Variants in STPG2 observed in about 807,000 individuals in gnomAD.
STPG2 encodes the protein sperm tail PG-rich repeat containing 2, also known as sperm-tail PG-rich repeat-containing protein 2.
Under a neutral mutation model 54.2 loss-of-function variants are expected in STPG2, and 56 were observed. The observed-to-expected ratio is 1.03, with a 90% CI of 0.83 to 1.29. The LOEUF is 1.29. Ranked by LOEUF, STPG2 falls within the 50% of genes most tolerant of loss-of-function variation. STPG2 has a pLI of 0.00. For synonymous variants in STPG2, 200 were observed against 181.8 expected, an observed-to-expected ratio of 1.10 and a Z score of -0.81; for missense variants, 596 against 544.9, an observed-to-expected ratio of 1.09 and a Z score of -0.93.
At chr4:97,728,142 G>T (rs1724680108) in intron 9 of STPG2, among the ~76,000 whole-genome samples, 1 of 151,822 alleles carries the variant, frequency 6.6e-6, no homozygotes, top group Admixed American at 6.6e-5. Flanking sequence ...ATAGGGAATG[G>T]TATTGTCTAT....
chr4:97,567,646 T>C (rs1397097591), intron 10 of STPG2, among the ~76,000 whole-genome samples: 1 of 151,878 alleles, frequency 6.6e-6, no homozygotes, highest in Admixed American at 6.6e-5. Context: ...CACATTGAAG[T>C]TCCATGTGGC....
At chr4:97,958,079 G>C (rs932349431) in intron 7 of STPG2, among the ~76,000 whole-genome samples, 2 of 152,062 alleles carry the variant, frequency 1.3e-5, no homozygotes, top group Non-Finnish European at 1.5e-5. Flanking sequence ...GAGGCAGAGG[G>C]GGGACAGATC....
intron 8 of STPG2, among the ~76,000 whole-genome samples, chr4:97,907,537 C>A (rs1420797663): frequency 1.3e-5 from 2 of 151,752 alleles, no homozygotes; most frequent in Non-Finnish European, 2.9e-5. Context: ...CATATGGAAC[C>A]AAAAAAGAGC....
At chr4:98,101,524 G>C (rs10013302) in intron 5 of STPG2, among the ~76,000 whole-genome samples, 9,070 of 152,114 alleles carry the variant, frequency 0.06, 299 homozygotes, top group Middle Eastern at 0.088. Context: ...AAAAAAAAGA[G>C]CTTGAGCCTC....
intron 4 of STPG2, among the ~76,000 whole-genome samples, chr4:97,446,673 CTGATGGTT>C (rs1284355224): frequency 6.6e-6 from 1 of 152,154 alleles, no homozygotes; most frequent in Non-Finnish European, 1.5e-5. Context: ...CTCATGAGAT[CTGATGGTT>C]TTATAAGTGT....
chr4:97,461,953 C>T (rs1488943277), intron 4 of STPG2, among the ~76,000 whole-genome samples: 1 of 151,894 alleles, frequency 6.6e-6, no homozygotes, highest in East Asian at 1.9e-4. Flanking sequence ...TATTGAATGT[C>T]ATTCAATATA....
intron 5 of STPG2, among the ~76,000 whole-genome samples, chr4:98,046,740 G>A (rs1261649110): frequency 4.6e-5 from 7 of 152,030 alleles, no homozygotes; most frequent in Non-Finnish European, 8.8e-5. Flanking sequence ...ATGGAGAGAG[G>A]ATCAGTGGCA....
intron 8 of STPG2, among the ~76,000 whole-genome samples, chr4:97,899,822 A>C (rs1306424902): frequency 6.6e-6 from 1 of 152,170 alleles, no homozygotes; most frequent in East Asian, 1.9e-4. Context: ...AAATCAGCTT[A>C]AGATGGATTA....
At chr4:98,046,984 C>T (rs1196685634) in intron 5 of STPG2, among the ~76,000 whole-genome samples, 4 of 152,030 alleles carry the variant, frequency 2.6e-5, no homozygotes, top group Admixed American at 6.6e-5. Context: ...ATTAAAGGCC[C>T]GACCCACAGG....
intron 8 of STPG2, among the ~76,000 whole-genome samples, chr4:97,931,701 T>TTG (rs973300636): frequency 5.9e-5 from 9 of 151,586 alleles, no homozygotes; most frequent in South Asian, 2.1e-4. Flanking sequence ...TTTTATCTTT[T>TTG]TGTGTGTGTG....
intron 4 of STPG2, among the ~76,000 whole-genome samples, chr4:97,502,163 A>C (rs1730739444): frequency 1.3e-5 from 2 of 152,052 alleles, no homozygotes; most frequent in South Asian, 4.1e-4. Context: ...AATATAATAA[A>C]GTAATATTTC....
intron 8 of STPG2, among the ~76,000 whole-genome samples, chr4:97,886,115 C>A (rs1171193519): frequency 6.6e-6 from 1 of 152,022 alleles, no homozygotes; most frequent in Non-Finnish European, 1.5e-5. Flanking sequence ...TCAACAAAAT[C>A]TTCTTGAGGA....
intron 4 of STPG2, among the ~76,000 whole-genome samples, chr4:97,527,484 A>G (rs908345323): frequency 2.0e-5 from 3 of 152,170 alleles, no homozygotes; most frequent in Non-Finnish European, 4.4e-5. Context: ...TCTTCATAGT[A>G]GAATGATATA....
chr4:97,459,884 G>A (rs1578316446), intron 4 of STPG2, among the ~76,000 whole-genome samples: 1 of 152,204 alleles, frequency 6.6e-6, no homozygotes, highest in East Asian at 1.9e-4. Flanking sequence ...CTATCCACAT[G>A]TACTACAGAG....
intron 4 of STPG2, among the ~76,000 whole-genome samples, chr4:97,513,670 A>G (rs1731018403): frequency 6.6e-6 from 1 of 152,130 alleles, no homozygotes; most frequent in African/African-American, 2.4e-5. Flanking sequence ...AAGCCTTTTA[A>G]TATTTCAAAA....
intron 4 of STPG2, among the ~76,000 whole-genome samples, chr4:97,451,482 G>A (rs1729362278): frequency 6.6e-6 from 1 of 151,988 alleles, no homozygotes; most frequent in Non-Finnish European, 1.5e-5. Flanking sequence ...TTCAAAAATA[G>A]GAAATAGAGA....
chr4:97,584,138 C>G (rs1256914688), intron 10 of STPG2, among the ~76,000 whole-genome samples: 1 of 151,932 alleles, frequency 6.6e-6, no homozygotes, highest in African/African-American at 2.4e-5. Flanking sequence ...GACCACAAAA[C>G]AAGTCTCAAT....
At chr4:97,710,042 A>G (rs1020131565) in intron 10 of STPG2, among the ~76,000 whole-genome samples, 2 of 151,968 alleles carry the variant, frequency 1.3e-5, no homozygotes, top group Non-Finnish European at 1.5e-5. Context: ...TGAAGCTCAT[A>G]ATGTAATATT....
intron 4 of STPG2, among the ~76,000 whole-genome samples, chr4:97,488,455 A>T (rs1308923657): frequency 6.6e-6 from 1 of 151,730 alleles, no homozygotes; most frequent in Non-Finnish European, 1.5e-5. Flanking sequence ...TCCCTAAAAT[A>T]AACTCTTACC....
Sources: gnomAD v4.1 joint callset for allele counts (sites outside exome capture counted in the v4.1 genomes callset) on GRCh38, gnomAD v4.1.1 for gene constraint, MANE v1.5 for transcripts, NCBI Gene and HGNC (gene_info 2026-07-23, HGNC 2026-07-21) for gene names.